The following IFT43 variants were observed in gnomAD, a reference collection of about 807,000 sequenced individuals.
The protein encoded by IFT43 is intraflagellar transport protein 43 homolog.
Under a neutral mutation model 32.3 loss-of-function variants are expected in IFT43, and 33 were observed. The ratio of observed to expected loss-of-function variants is 1.02; its 90% CI spans 0.77 to 1.37. The LOEUF (loss-of-function observed/expected upper bound fraction) is 1.37. Ranked by LOEUF, IFT43 falls within the 40% of genes most tolerant of loss-of-function variation. The pLI, the probability that IFT43 is intolerant of heterozygous loss-of-function variation, is 0.00. For missense variants in IFT43, 274 were observed against 265.9 expected, an observed-to-expected ratio of 1.03 and a Z score of -0.21; for synonymous variants, 93 against 98.2, an observed-to-expected ratio of 0.95 and a Z score of 0.31.
At chr14:76,051,360 A>G (rs2036910780) in intron 3 of IFT43, among the ~76,000 whole-genome samples, 1 of 151,710 alleles carries the variant, frequency 6.6e-6, no homozygotes, top group African/African-American at 2.4e-5. Flanking sequence ...AGAAATATCT[A>G]GCTTTTAATG....
rs569748690 is a variant in IFT43, at chr14:76,039,979, G to T, written c.215+17585G>T. 2.6e-5 allele frequency among the ~76,000 whole-genome samples: 4 copies of T among 152,120 alleles called. No homozygotes were observed. In the South Asian group the frequency reaches 8.3e-4, roughly 32 times the overall value. ...AGCTTCTTTTCTTTTTTACAAAAGGGTCTCACTCTGTCACCCAGGCTGGAG... is the reference window on the plus strand; with the variant it reads ...AGCTTCTTTTCTTTTTTACAAAAGGTTCTCACTCTGTCACCCAGGCTGGAG... On this transcript the variant is annotated intron_variant, in intron 3 of 8. Coordinates refer to ENST00000314067, the MANE Select transcript of IFT43 (RefSeq NM_001102564.3).
chr14:76,084,006 A>G, downstream of IFT43: 1 of 456,356 alleles, frequency 2.2e-6, no homozygotes, highest in Non-Finnish European at 4.4e-6. Flanking sequence ...TTAGTGACGC[A>G]GCACTGCCAC....
intron 1 of IFT43, chr14:75,986,084 C>G: frequency 1.1e-5 from 16 of 1,473,878 alleles, no homozygotes; most frequent in Non-Finnish European, 1.4e-5. Flanking sequence ...CCGCCGGCGT[C>G]TAGGACCGTG....
chr14:76,080,918 T>G (rs1312141204), intron 5 of IFT43, among the ~76,000 whole-genome samples: 2 of 152,050 alleles, frequency 1.3e-5, no homozygotes, highest in African/African-American at 2.4e-5. Flanking sequence ...ATTTGGGGGG[T>G]GGTGGATGTG....
At chr14:76,003,206 A>C (rs538607766) in intron 2 of IFT43, among the ~76,000 whole-genome samples, 1 of 151,910 alleles carries the variant, frequency 6.6e-6, no homozygotes. Flanking sequence ...TGTTTAGCCG[A>C]TTGCTTTTAA....
chr14:76,046,764 G>C (rs990559635), intron 3 of IFT43, among the ~76,000 whole-genome samples: 1 of 152,212 alleles, frequency 6.6e-6, no homozygotes, highest in African/African-American at 2.4e-5. Context: ...AAAGTGACTT[G>C]CCCAAGAGCA....
intron 2 of IFT43, among the ~76,000 whole-genome samples, chr14:76,019,933 T>C (rs974418166): frequency 6.6e-6 from 1 of 152,118 alleles, no homozygotes; most frequent in Non-Finnish European, 1.5e-5. Flanking sequence ...TATCTCTTTA[T>C]TGACTTTCCC....
chr14:76,001,196 A>G (rs2035878856), intron 2 of IFT43, among the ~76,000 whole-genome samples: 1 of 152,230 alleles, frequency 6.6e-6, no homozygotes, highest in African/African-American at 2.4e-5. Context: ...AGGTTTTATG[A>G]GTCCTGAAGC....
rs186956926 is a variant in IFT43 at position 76,069,604 on chromosome 14, C to T, written c.295+10231C>T. 3.2e-4 allele frequency among the ~76,000 whole-genome samples: 48 copies of T among 152,284 alleles called. No homozygotes were observed. In the East Asian group the frequency reaches 8.9e-3, roughly 28 times the overall value. On this transcript the variant is annotated intron_variant, in intron 5 of 8. Transcript: ENST00000314067. The stretch of plus-strand genomic sequence containing the variant: ...TCTTTTAAAAAAGATGAAGAATGTT[C>T]AGGTGGAATAATCTCTAAATATGCA...
intron 7 of IFT43, 22 bp downstream of exon 7, chr14:76,082,714 T>A: frequency 6.6e-7 from 1 of 1,523,996 alleles, no homozygotes; most frequent in Non-Finnish European, 9.1e-7. Context: ...AGCTTCTGCA[T>A]AGAGAGGCGG....
chr14:76,052,979 G>A (rs908899397), intron 3 of IFT43, among the ~76,000 whole-genome samples: 1 of 152,124 alleles, frequency 6.6e-6, no homozygotes, highest in Non-Finnish European at 1.5e-5. Context: ...TGGTGTAAGG[G>A]TTGGGAACTG....
At chr14:76,083,199 C>A in intron 7 of IFT43, 28 bp from the exon 8 acceptor site, 1 of 1,614,026 alleles carries the variant, frequency 6.2e-7, no homozygotes, top group East Asian at 2.2e-5. Flanking sequence ...AGGTGCTCAG[C>A]CTGACCTTTT....
intron 3 of IFT43, among the ~76,000 whole-genome samples, chr14:76,031,833 G>T (rs2036513930): frequency 1.3e-5 from 2 of 152,108 alleles, no homozygotes; most frequent in African/African-American, 2.4e-5. Context: ...AGTGCCCAGG[G>T]CTCTTCCTCT....
At chr14:76,059,396 C>A in intron 5 of IFT43, 23 bp downstream of exon 5, 1 of 1,611,660 alleles carries the variant, frequency 6.2e-7, no homozygotes, top group South Asian at 1.1e-5. Context: ...TGGAGGAAGT[C>A]AAAAGGTCTT....
intron 3 of IFT43, among the ~76,000 whole-genome samples, chr14:76,042,127 C>CACAT (rs397801864): frequency 2.6e-5 from 4 of 151,810 alleles, no homozygotes; most frequent in Non-Finnish European, 4.4e-5. Context: ...CACACACACA[C>CACAT]GTACACACAT....
In IFT43 at chr14:76,082,698, T is replaced by G. The variant is rs1329337270; in HGVS notation, c.444+6T>G. ...ACTCAGCCATTCAGACACTGGTGAGTGGAACAGCTTCTGCATAGAGAGGCG... is the reference window on the plus strand; with the variant it reads ...ACTCAGCCATTCAGACACTGGTGAGGGGAACAGCTTCTGCATAGAGAGGCG... On this transcript the variant is annotated splice_donor_region_variant and intron_variant, in intron 7 of 8. Coordinates refer to ENST00000314067, the MANE Select transcript of IFT43 (RefSeq NM_001102564.3). The G allele has an allele frequency of 2.5e-6, 4 of 1,578,692 alleles. No individual in the cohort carries two copies. The highest frequency in any genetic ancestry group is 2.7e-5 in the African/African-American group (2 of 74,042).
intron 3 of IFT43, among the ~76,000 whole-genome samples, chr14:76,042,608 G>A (rs2036728055): frequency 6.6e-6 from 1 of 152,260 alleles, no homozygotes; most frequent in Non-Finnish European, 1.5e-5. Flanking sequence ...GAAGGTGAGT[G>A]CAGAGGATGC....
chr14:76,016,625 A>T (rs1489511407), intron 2 of IFT43, among the ~76,000 whole-genome samples: 4 of 152,088 alleles, frequency 2.6e-5, no homozygotes, highest in Admixed American at 2.6e-4. Flanking sequence ...AATTGTATTG[A>T]ACCTGTAGAT....
Position 76,062,942 on chromosome 14 carries a change from GAAAAT to G in IFT43, c.295+3571_295+3575del, listed in dbSNP as rs2037169274. Among the ~76,000 whole-genome samples the G allele has an allele frequency of 5.1e-3, 388 of 75,466 alleles. 11 individuals are homozygous for G. Among genetic ancestry groups the G allele is most frequent in the Admixed American group, 0.046 (363 of 7,942 alleles). The allele number at this position is 75,466 out of a possible 152,430, so 49.5% of individuals were successfully genotyped here. On this transcript the variant is annotated intron_variant, in intron 5 of 8. Transcript: ENST00000314067. ...CAAAAAAAAAAAAAAAAAAAAAAAA[GAAAAT>G]ACATTAAGTCAAACCACTGTAAATT...
Sources: gnomAD v4.1 joint callset for allele counts (sites outside exome capture counted in the v4.1 genomes callset) on GRCh38, gnomAD v4.1.1 for gene constraint, MANE v1.5 for transcripts, NCBI Gene and HGNC (gene_info 2026-07-23, HGNC 2026-07-21) for gene names.